Variants in KCNT2 observed in about 807,000 individuals in gnomAD.
KCNT2 encodes the protein potassium sodium-activated channel subfamily T member 2, also known as potassium channel subfamily T member 2.
A neutral mutation model predicts 153.8 loss-of-function variants in KCNT2; 67 were observed. The observed-to-expected ratio is 0.44, with a 90% CI of 0.36 to 0.53. The LOEUF (loss-of-function observed/expected upper bound fraction) is 0.53. Among genes scored for constraint, KCNT2 ranks in the 20% least tolerant of loss-of-function variants. The probability of loss-of-function intolerance (pLI) is 0.00; values close to 1 mark genes in which losing one functional copy is unlikely to be tolerated. For missense variants in KCNT2, 975 were observed against 1,354.8 expected, an observed-to-expected ratio of 0.72 and a Z score of 4.40; for synonymous variants, 500 against 458.8, an observed-to-expected ratio of 1.09 and a Z score of -1.15.
intron 1 of KCNT2, among the ~76,000 whole-genome samples, chr1:196,552,874 C>G (rs751684847): frequency 3.3e-5 from 5 of 151,058 alleles, no homozygotes; most frequent in Non-Finnish European, 5.9e-5. Flanking sequence ...TTTAAGATAG[C>G]ATTTGCAACC....
intron 1 of KCNT2, among the ~76,000 whole-genome samples, chr1:196,530,004 A>C (rs1240453637): frequency 1.3e-5 from 2 of 152,054 alleles, no homozygotes; most frequent in Non-Finnish European, 2.9e-5. Context: ...AATATGCAGC[A>C]ATCATATTTC....
At chr1:196,243,278 G>A (rs186988704) in intron 26 of KCNT2, among the ~76,000 whole-genome samples, 66 of 152,232 alleles carry the variant, frequency 4.3e-4, no homozygotes, top group Middle Eastern at 6.8e-3. Context: ...TTTTTCCACA[G>A]AGGAGGTGAA....
At chr1:196,355,291 A>G (rs1667084147) in intron 14 of KCNT2, among the ~76,000 whole-genome samples, 1 of 151,692 alleles carries the variant, frequency 6.6e-6, no homozygotes. Flanking sequence ...AACTGCCCCA[A>G]CATTGTAGGT....
At chr1:196,434,290 A>T (rs761834765) in intron 8 of KCNT2, among the ~76,000 whole-genome samples, 1 of 152,122 alleles carries the variant, frequency 6.6e-6, no homozygotes, top group Non-Finnish European at 1.5e-5. Flanking sequence ...GAGAACAGAG[A>T]AGAAAGATAA....
intron 5 of KCNT2, 89 bp from the exon 6 acceptor site, chr1:196,469,157 AAT>A (rs1677868411): frequency 2.8e-6 from 2 of 716,898 alleles, no homozygotes; most frequent in Non-Finnish European, 5.0e-6. Flanking sequence ...TTTCTCTAGC[AAT>A]AAGGATGCTT....
chr1:196,430,680 T>G (rs1425449565), intron 8 of KCNT2, among the ~76,000 whole-genome samples: 1 of 152,054 alleles, frequency 6.6e-6, no homozygotes, highest in Non-Finnish European at 1.5e-5. Flanking sequence ...CAATCATTTG[T>G]GCAAAGCTAT....
chr1:196,527,150 C>A (rs56833680), intron 1 of KCNT2, among the ~76,000 whole-genome samples: 3,235 of 152,274 alleles, frequency 0.021, 117 homozygotes, highest in African/African-American at 0.073. Flanking sequence ...TCCAAGGAAC[C>A]AGTCACTGGT....
chr1:196,457,724 C>G (rs1159515748), intron 8 of KCNT2, among the ~76,000 whole-genome samples: 1 of 151,922 alleles, frequency 6.6e-6, no homozygotes, highest in Admixed American at 6.6e-5. Context: ...GATCGTTAAG[C>G]TATCTATTTT....
chr1:196,461,447 C>A (rs139179982), intron 8 of KCNT2, among the ~76,000 whole-genome samples: 44 of 151,018 alleles, frequency 2.9e-4, no homozygotes, highest in African/African-American at 1.0e-3. Flanking sequence ...GTTAGAAACC[C>A]ATGAAATAAT....
intron 8 of KCNT2, among the ~76,000 whole-genome samples, chr1:196,460,538 T>C (rs1474010255): frequency 1.3e-5 from 2 of 151,744 alleles, no homozygotes; most frequent in African/African-American, 4.8e-5. Context: ...GAAAGGCAAA[T>C]TGAGTCTTTG....
At position 196,394,986 on chromosome 1, in the gene KCNT2, AT is replaced by A. The variant is rs891337445; in HGVS notation, c.1294+3576del. On this transcript the variant is annotated intron_variant, in intron 13 of 27. Coordinates refer to ENST00000294725, the MANE Select transcript of KCNT2 (RefSeq NM_198503.5). ...TTCTTTGGTCCTAGCTTTCCAATAG[AT>A]TTTTTTTTTTAAGTTTTAATTATGA... Among the ~76,000 whole-genome samples the A allele has an allele frequency of 1.7e-3, 242 of 143,164 alleles. 2 individuals are homozygous for A. Among genetic ancestry groups the A allele is most frequent in the African/African-American group, 3.0e-3 (121 of 40,406 alleles). The allele number at this position is 143,164 out of a possible 152,430, so 93.9% of individuals were successfully genotyped here.
At chr1:196,542,644 T>G (rs551250122) in intron 1 of KCNT2, among the ~76,000 whole-genome samples, 4 of 152,216 alleles carry the variant, frequency 2.6e-5, no homozygotes, top group African/African-American at 9.6e-5. Flanking sequence ...ATAAATGGAT[T>G]GGGGAGCTTG....
At chr1:196,521,850 C>A (rs1653469099) in intron 1 of KCNT2, among the ~76,000 whole-genome samples, 1 of 152,036 alleles carries the variant, frequency 6.6e-6, no homozygotes, top group Non-Finnish European at 1.5e-5. Flanking sequence ...TGGGTACTAG[C>A]CTTAGTACCT....
At chr1:196,309,154 C>T (rs1571989139) in intron 21 of KCNT2, among the ~76,000 whole-genome samples, 3 of 151,980 alleles carry the variant, frequency 2.0e-5, no homozygotes, top group Admixed American at 6.6e-5. Flanking sequence ...ACATTTAGGA[C>T]AGTGTTGAGA....
chr1:196,573,119 G>T (rs1011369031), intron 1 of KCNT2, among the ~76,000 whole-genome samples: 3 of 152,036 alleles, frequency 2.0e-5, no homozygotes, highest in Admixed American at 6.6e-5. Flanking sequence ...ATCCTTCACA[G>T]AAATTTAGTG....
At chr1:196,606,341 G>A (rs959847682) in intron 1 of KCNT2, among the ~76,000 whole-genome samples, 5 of 152,158 alleles carry the variant, frequency 3.3e-5, no homozygotes, top group Admixed American at 2.0e-4. Flanking sequence ...AACAACAAAT[G>A]GAACCAAAAC....
At chr1:196,356,776 A>G (rs1344664939) in intron 14 of KCNT2, among the ~76,000 whole-genome samples, 1 of 151,890 alleles carries the variant, frequency 6.6e-6, no homozygotes, top group East Asian at 1.9e-4. Context: ...AAGTAAACAC[A>G]TAAGTCAGGC....
chr1:196,550,456 A>G (rs1172706424), intron 1 of KCNT2, among the ~76,000 whole-genome samples: 5 of 151,952 alleles, frequency 3.3e-5, no homozygotes, highest in Admixed American at 2.0e-4. Flanking sequence ...AAATTTTTAG[A>G]TTGCATTTAA....
intron 1 of KCNT2, among the ~76,000 whole-genome samples, chr1:196,505,243 G>T (rs1040061562): frequency 7.7e-4 from 117 of 152,106 alleles, no homozygotes; most frequent in African/African-American, 2.6e-3. Context: ...CTTTAATCCA[G>T]CTTGAATTAA....
Sources: allele counts gnomAD v4.1 joint callset (sites outside exome capture counted in the v4.1 genomes callset), GRCh38; gene constraint gnomAD v4.1.1; transcripts MANE v1.5; gene names NCBI Gene and HGNC (gene_info 2026-07-23, HGNC 2026-07-21).